Variants in KLF12 observed in about 807,000 individuals in gnomAD.
The protein encoded by KLF12 is KLF transcription factor 12.
In KLF12, 9 loss-of-function variants were observed where a neutral mutation model predicts 37.8. That is an observed-to-expected ratio of 0.24 (90% CI 0.14 to 0.42). KLF12 has a LOEUF of 0.42. Among genes scored for constraint, KLF12 ranks in the 10% least tolerant of loss-of-function variants. The pLI, the probability that KLF12 is intolerant of heterozygous loss-of-function variation, is 1.00. For missense variants in KLF12, 411 were observed against 516.0 expected, an observed-to-expected ratio of 0.80 and a Z score of 1.97; for synonymous variants, 208 against 202.1, an observed-to-expected ratio of 1.03 and a Z score of -0.25.
the KLF12 span, among the ~76,000 whole-genome samples, chr13:74,300,658 G>A: frequency 3.3e-5 from 5 of 152,090 alleles, no homozygotes; most frequent in East Asian, 1.9e-4. Flanking sequence ...AAGTCATCGC[G>A]TATAGCTTTT....
intron 1 of KLF12, among the ~76,000 whole-genome samples, chr13:74,003,917 C>T (rs1892346541): frequency 6.6e-6 from 1 of 152,128 alleles, no homozygotes; most frequent in South Asian, 2.1e-4. Flanking sequence ...AAAACAAAAA[C>T]TGCCCCACTG....
chr13:74,157,755 C>G, the KLF12 span, among the ~76,000 whole-genome samples: 4 of 152,134 alleles, frequency 2.6e-5, no homozygotes, highest in Non-Finnish European at 5.9e-5. Context: ...TTTTTTGGGT[C>G]AGAGAAAACA....
chr13:73,849,831 T>C (rs1253410900), intron 3 of KLF12, among the ~76,000 whole-genome samples: 3 of 152,208 alleles, frequency 2.0e-5, no homozygotes, highest in Non-Finnish European at 2.9e-5. Context: ...AAGCCCATCA[T>C]GATCTTTGCC....
rs1873866812 is a variant in KLF12, at chr13:73,692,269, C to T, written c.*3221G>A. Reference sequence around the variant, plus strand: ...GCAGAAGCGTGAATCTTTTTTCAAACAACTTAAGATCAGACCATGAAAAGG... The same window carrying T: ...GCAGAAGCGTGAATCTTTTTTCAAATAACTTAAGATCAGACCATGAAAAGG... On this transcript the variant is annotated 3_prime_UTR_variant, in exon 8 of 8. Coordinates refer to ENST00000377669, the MANE Select transcript of KLF12 (RefSeq NM_007249.5). 6.6e-6 allele frequency: 1 copy of T among 152,090 alleles called. No homozygotes were observed. The highest frequency in any genetic ancestry group is 6.6e-5 in the Admixed American group (1 of 15,256). The allele number at this position is 152,090 out of a possible 1,614,324, so 9.4% of individuals were successfully genotyped here.
At chr13:74,196,072 T>C in the KLF12 span, among the ~76,000 whole-genome samples, 1 of 152,268 alleles carries the variant, frequency 6.6e-6, no homozygotes, top group African/African-American at 2.4e-5. Context: ...AGCTCTTTTA[T>C]GTTTTTAAAG....
At chr13:73,884,713 C>G (rs1224746129) in intron 3 of KLF12, among the ~76,000 whole-genome samples, 5 of 152,190 alleles carry the variant, frequency 3.3e-5, no homozygotes, top group African/African-American at 4.8e-5. Flanking sequence ...CCTAATATGA[C>G]TGAAGAGTTT....
At chr13:74,134,853 G>C (rs1452585240), upstream of KLF12, among the ~76,000 whole-genome samples, 1 of 152,024 alleles carries the variant, frequency 6.6e-6, no homozygotes, top group Non-Finnish European at 1.5e-5. Context: ...ACCCGCCCGG[G>C]TGGGGGCGCG....
intron 3 of KLF12, among the ~76,000 whole-genome samples, chr13:73,915,208 C>T (rs1027897875): frequency 2.0e-5 from 3 of 152,186 alleles, no homozygotes; most frequent in Admixed American, 6.5e-5. Flanking sequence ...TTCCCTCTTA[C>T]AAAGGCCCTT....
At chr13:74,028,164 A>G (rs990448295) in intron 1 of KLF12, among the ~76,000 whole-genome samples, 1 of 152,180 alleles carries the variant, frequency 6.6e-6, no homozygotes, top group African/African-American at 2.4e-5. Flanking sequence ...ATAGTCTTTG[A>G]CCCAGTGATA....
the KLF12 span, among the ~76,000 whole-genome samples, chr13:74,285,940 A>G: frequency 2.6e-5 from 4 of 152,078 alleles, no homozygotes; most frequent in African/African-American, 9.6e-5. Flanking sequence ...CTACTCTCCT[A>G]TCTCTTCCTA....
the KLF12 span, among the ~76,000 whole-genome samples, chr13:74,196,452 G>C: frequency 6.6e-6 from 1 of 152,200 alleles, no homozygotes; most frequent in Non-Finnish European, 1.5e-5. Context: ...TGTCAAGAAA[G>C]AGATAAGAGC....
intron 1 of KLF12, among the ~76,000 whole-genome samples, chr13:74,031,149 C>G (rs1311103495): frequency 1.3e-5 from 2 of 152,096 alleles, no homozygotes; most frequent in Non-Finnish European, 2.9e-5. Flanking sequence ...ACCATCAAAG[C>G]CCATCTTTTT....
At chr13:73,754,946 T>C (rs987487870) in intron 6 of KLF12, among the ~76,000 whole-genome samples, 16 of 152,234 alleles carry the variant, frequency 1.1e-4, no homozygotes, top group African/African-American at 3.9e-4. Context: ...CCTTTAGCCT[T>C]TGTCTCCTAC....
chr13:73,956,624 A>G (rs1890841454), intron 2 of KLF12, among the ~76,000 whole-genome samples: 1 of 152,188 alleles, frequency 6.6e-6, no homozygotes, highest in Non-Finnish European at 1.5e-5. Context: ...CTCATTAGAA[A>G]AGAACCTTAA....
intron 4 of KLF12, among the ~76,000 whole-genome samples, chr13:73,827,192 A>T (rs754349965): frequency 6.6e-6 from 1 of 152,230 alleles, no homozygotes; most frequent in Non-Finnish European, 1.5e-5. Context: ...GAGCAGTATT[A>T]GTTATCTATC....
chr13:74,028,377 T>C (rs1893030365), intron 1 of KLF12, among the ~76,000 whole-genome samples: 1 of 152,198 alleles, frequency 6.6e-6, no homozygotes, highest in African/African-American at 2.4e-5. Context: ...AGAGCTTATT[T>C]TGCAATATTA....
intron 3 of KLF12, among the ~76,000 whole-genome samples, chr13:73,900,648 C>T (rs939331330): frequency 1.3e-5 from 2 of 151,832 alleles, no homozygotes; most frequent in Admixed American, 6.6e-5. Context: ...AAAAACTAAT[C>T]GTGCATAGTA....
the KLF12 span, among the ~76,000 whole-genome samples, chr13:74,241,319 G>C: frequency 6.6e-6 from 1 of 152,264 alleles, no homozygotes; most frequent in Non-Finnish European, 1.5e-5. Context: ...CTCCAGCTGC[G>C]TACTGGGAGA....
At chr13:74,068,484 A>C (rs1268565330) in intron 1 of KLF12, among the ~76,000 whole-genome samples, 1 of 152,220 alleles carries the variant, frequency 6.6e-6, no homozygotes, top group Non-Finnish European at 1.5e-5. Flanking sequence ...ATGCTGGAAG[A>C]AAGTGTGGAT....
Sources: allele counts gnomAD v4.1 joint callset (sites outside exome capture counted in the v4.1 genomes callset), GRCh38; gene constraint gnomAD v4.1.1; transcripts MANE v1.5; gene names NCBI Gene and HGNC (gene_info 2026-07-23, HGNC 2026-07-21).